Variants in CCSER1 observed in about 807,000 individuals in gnomAD.
CCSER1 encodes coiled-coil serine rich protein 1.
Under a neutral mutation model 82.0 loss-of-function variants are expected in CCSER1, and 41 were observed. The ratio of observed to expected loss-of-function variants is 0.50; its 90% CI spans 0.39 to 0.65. CCSER1 has a LOEUF of 0.65. Ranked by LOEUF, CCSER1 falls within the 30% of genes least tolerant of loss-of-function variation. The pLI is 0.00. For synonymous variants in CCSER1, 414 were observed against 383.9 expected (o/e 1.08, Z -0.92); for missense variants, 1,119 against 1,064.2 (o/e 1.05, Z -0.72).
intron 10 of CCSER1, among the ~76,000 whole-genome samples, chr4:91,184,831 G>C (rs985449511): frequency 6.6e-6 from 1 of 152,086 alleles, no homozygotes; most frequent in Non-Finnish European, 1.5e-5. Context: ...ATTGTATGTT[G>C]ATTTTTAGGG....
chr4:91,166,240 A>G (rs1732055584), intron 10 of CCSER1, among the ~76,000 whole-genome samples: 1 of 152,228 alleles, frequency 6.6e-6, no homozygotes, highest in South Asian at 2.1e-4. Flanking sequence ...GAATTACTAA[A>G]TTTTTAAAAA....
At chr4:91,596,800 AGG>A (rs980430889) in intron 10 of CCSER1, among the ~76,000 whole-genome samples, 6 of 152,050 alleles carry the variant, frequency 3.9e-5, no homozygotes, top group African/African-American at 1.4e-4. Flanking sequence ...GAATTCACAG[AGG>A]GGGGTCTGCT....
At chr4:90,552,804 T>A (rs1411793773) in intron 5 of CCSER1, among the ~76,000 whole-genome samples, 1 of 152,144 alleles carries the variant, frequency 6.6e-6, no homozygotes, top group Admixed American at 6.6e-5. Context: ...TTGTAGAAAT[T>A]ATTTAACAGC....
At chr4:90,525,594 T>C (rs952650421) in intron 5 of CCSER1, among the ~76,000 whole-genome samples, 2 of 152,156 alleles carry the variant, frequency 1.3e-5, no homozygotes, top group African/African-American at 4.8e-5. Flanking sequence ...ATTACCCTTA[T>C]TTTGAATCTT....
At chr4:91,032,953 C>T (rs753032709) in intron 9 of CCSER1, among the ~76,000 whole-genome samples, 1 of 152,020 alleles carries the variant, frequency 6.6e-6, no homozygotes, top group African/African-American at 2.4e-5. Context: ...TTCCACCTCC[C>T]CGGGAATGGT....
At chr4:90,523,934 G>T (rs1412045427) in intron 5 of CCSER1, among the ~76,000 whole-genome samples, 1 of 152,082 alleles carries the variant, frequency 6.6e-6, no homozygotes, top group African/African-American at 2.4e-5. Context: ...CATATCCTGT[G>T]TACATGAAGT....
At chr4:90,532,842 C>T (rs28488584) in intron 5 of CCSER1, among the ~76,000 whole-genome samples, 6,630 of 152,192 alleles carry the variant, frequency 0.044, 180 homozygotes, top group Non-Finnish European at 0.056. Context: ...GAGTAGCTTC[C>T]TCCTCTACTT....
intron 6 of CCSER1, among the ~76,000 whole-genome samples, chr4:90,629,582 A>G (rs1723976727): frequency 6.6e-6 from 1 of 152,134 alleles, no homozygotes; most frequent in South Asian, 2.1e-4. Flanking sequence ...CCCTTGACAC[A>G]TAGGGATTAT....
At chr4:90,311,841 C>G (rs11944787) in intron 2 of CCSER1, among the ~76,000 whole-genome samples, 2,155 of 152,214 alleles carry the variant, frequency 0.014, 64 homozygotes, top group African/African-American at 0.049. Flanking sequence ...TTCATTTACT[C>G]ATTCATTCAT....
intron 10 of CCSER1, among the ~76,000 whole-genome samples, chr4:91,323,321 G>C (rs966707957): frequency 6.6e-6 from 1 of 152,136 alleles, no homozygotes; most frequent in Admixed American, 6.5e-5. Context: ...TTTAAATGCA[G>C]ATTCATAGGA....
chr4:91,229,533 C>A (rs1484496569), intron 10 of CCSER1, among the ~76,000 whole-genome samples: 1 of 152,064 alleles, frequency 6.6e-6, no homozygotes, highest in Non-Finnish European at 1.5e-5. Context: ...GACACATGCA[C>A]ATGTATGTTT....
chr4:90,621,371 G>A (rs77983846), intron 5 of CCSER1, among the ~76,000 whole-genome samples: 1 of 151,782 alleles, frequency 6.6e-6, no homozygotes, highest in African/African-American at 2.4e-5. Flanking sequence ...CAGGAAGGAG[G>A]TATAAAATGA....
chr4:90,505,403 A>G (rs116028976), intron 5 of CCSER1, among the ~76,000 whole-genome samples: 2,269 of 152,158 alleles, frequency 0.015, 53 homozygotes, highest in African/African-American at 0.052. Flanking sequence ...AAAAGACAGT[A>G]AGTTGAATCT....
At chr4:91,363,723 T>C (rs1177129732) in intron 10 of CCSER1, among the ~76,000 whole-genome samples, 1 of 151,852 alleles carries the variant, frequency 6.6e-6, no homozygotes, top group Non-Finnish European at 1.5e-5. Flanking sequence ...AGTGATTTTA[T>C]TGAACACATT....
At chr4:91,101,874 C>T (rs911340566) in intron 10 of CCSER1, among the ~76,000 whole-genome samples, 5 of 152,146 alleles carry the variant, frequency 3.3e-5, no homozygotes, top group African/African-American at 4.8e-5. Flanking sequence ...TTTCTCATCA[C>T]GGATAAGTGG....
intron 9 of CCSER1, among the ~76,000 whole-genome samples, chr4:91,085,227 T>G (rs1000108756): frequency 6.6e-6 from 1 of 152,054 alleles, no homozygotes; most frequent in Non-Finnish European, 1.5e-5. Context: ...ATAAATACTT[T>G]GACTTTAATC....
At chr4:90,887,371 T>C (rs1186388082) in intron 8 of CCSER1, among the ~76,000 whole-genome samples, 1 of 152,200 alleles carries the variant, frequency 6.6e-6, no homozygotes, top group Admixed American at 6.5e-5. Context: ...CTTCTCACCA[T>C]GTGCAAGAAG....
intron 3 of CCSER1, among the ~76,000 whole-genome samples, chr4:90,341,885 T>C (rs1741439498): frequency 6.6e-6 from 1 of 152,196 alleles, no homozygotes; most frequent in Non-Finnish European, 1.5e-5. Flanking sequence ...TGTTGTAGAA[T>C]GTTTACCTTA....
chr4:90,171,755 G>A (rs1177357335), intron 1 of CCSER1, among the ~76,000 whole-genome samples: 1 of 151,840 alleles, frequency 6.6e-6, no homozygotes, highest in Non-Finnish European at 1.5e-5. Flanking sequence ...AGTTAAAAGA[G>A]TTCTGCATAA....
Sources: gnomAD v4.1 joint callset for allele counts (sites outside exome capture counted in the v4.1 genomes callset) on GRCh38, gnomAD v4.1.1 for gene constraint, MANE v1.5 for transcripts, NCBI Gene and HGNC (gene_info 2026-07-23, HGNC 2026-07-21) for gene names.